Variants in HERC1 observed in about 807,000 individuals in gnomAD.
HERC1 encodes the protein probable E3 ubiquitin-protein ligase HERC1.
Under a neutral mutation model 554.3 loss-of-function variants are expected in HERC1, and 160 were observed. The observed-to-expected ratio is 0.29, with a 90% CI of 0.25 to 0.33. HERC1 has a LOEUF of 0.33. Ranked by LOEUF, HERC1 falls within the 10% of genes least tolerant of loss-of-function variation. The pLI is 1.00. For missense variants in HERC1, 4,919 were observed against 5,918.5 expected (o/e 0.83, Z 5.54); for synonymous variants, 2,175 against 2,131.7 (o/e 1.02, Z -0.56).
intron 38 of HERC1, among the ~76,000 whole-genome samples, chr15:63,673,972 A>G (rs7178288): frequency 0.81 from 123,866 of 152,148 alleles, 52,284 homozygotes; most frequent in Non-Finnish European, 0.88. Context: ...TGATCTGCCC[A>G]CCTCGGCCTC....
intron 25 of HERC1, among the ~76,000 whole-genome samples, chr15:63,705,600 G>A (rs1217524401): frequency 6.6e-6 from 1 of 151,834 alleles, no homozygotes; most frequent in African/African-American, 2.4e-5. Flanking sequence ...ATTAAGAGAA[G>A]GGTTTCATTC....
chr15:63,657,431 T>G (rs1280034229), intron 48 of HERC1, among the ~76,000 whole-genome samples: 1 of 152,284 alleles, frequency 6.6e-6, no homozygotes, highest in African/African-American at 2.4e-5. Context: ...ATTGGCCATT[T>G]GGAGATCCTC....
chr15:63,653,669 A>G (rs1566976131), intron 51 of HERC1, among the ~76,000 whole-genome samples: 1 of 152,224 alleles, frequency 6.6e-6, no homozygotes, highest in Non-Finnish European at 1.5e-5. Context: ...AATTTAAATC[A>G]TCTCATGATT....
At chr15:63,648,329 T>C (rs2069465828) in intron 54 of HERC1, 130 bp from the exon 55 acceptor site, 1 of 879,784 alleles carries the variant, frequency 1.1e-6, no homozygotes, top group South Asian at 1.8e-5. Context: ...AGCTCTTTAA[T>C]GCATTTAGAC....
Position 63,775,657 on chromosome 15 carries a change from G to A in HERC1, c.-26-8C>T, listed in dbSNP as rs200986714. On this transcript the variant is annotated splice_region_variant and splice_polypyrimidine_tract_variant and intron_variant, in intron 1 of 77. Coordinates refer to ENST00000443617, the MANE Select transcript of HERC1 (RefSeq NM_003922.4). This position sits in a 1 kb window ranked among gnomAD's most constrained non-coding sequence, Gnocchi z 4.0. Reference sequence around the variant, plus strand: ...ATCCTTCAGCCATTAGTCCTGCAAAGGGAGAAGAGAAAACAGTCAAAAACA... The same window carrying A: ...ATCCTTCAGCCATTAGTCCTGCAAAAGGAGAAGAGAAAACAGTCAAAAACA... The A allele has an allele frequency of 2.7e-5, 41 of 1,499,030 alleles. No homozygotes were observed. The East Asian group carries it at 8.8e-4, about 32-fold the overall frequency. The allele number at this position is 1,499,030 out of a possible 1,614,324, so 92.9% of individuals were successfully genotyped here.
Position 63,609,182 on chromosome 15 carries a change from G to A in HERC1, c.14485C>T (p.Arg4829Cys), listed in dbSNP as rs770912455. ...CAGTTGTTGATGGCATAGCGCAGGC[G>A]CTCGGCCATGACCAGCTGGCTGGAG... Reference protein sequence around the residue: ...PYSSQLVMAERLRYAINNCRS... With the variant: ...PYSSQLVMAECLRYAINNCRS... The change falls in exon 78 of 78, where the codon CGC (arginine) becomes TGC (cysteine). Residue 4829 changes from arginine (R) to cysteine (C), a missense_variant. Coordinates refer to ENST00000443617, the MANE Select transcript of HERC1 (RefSeq NM_003922.4). 3.7e-6 allele frequency: 6 copies of A among 1,613,568 alleles called. No homozygotes were observed. Among genetic ancestry groups the A allele is most frequent in the Non-Finnish European group, 5.1e-6 (6 of 1,179,782 alleles).
At chr15:63,733,497 T>G (rs1248593655) in intron 13 of HERC1, among the ~76,000 whole-genome samples, 2 of 152,170 alleles carry the variant, frequency 1.3e-5, no homozygotes, top group Non-Finnish European at 2.9e-5. Flanking sequence ...CAATGACAAT[T>G]ACTTATTCTA....
Position 63,749,880 on chromosome 15 carries a change from T to C in HERC1, c.1903-89A>G, listed in dbSNP as rs1374674405. 9.2e-7 allele frequency: 1 copy of C among 1,087,202 alleles called. No individual in the cohort carries two copies. Among genetic ancestry groups the C allele is most frequent in the Non-Finnish European group, 1.3e-6 (1 of 786,542 alleles). 67.3% of individuals were successfully genotyped at this position (1,087,202 alleles called of 1,614,324 possible). ...ATAAATGAAATCTATGAAACTAAAGTGTGGTTTGATAGTAAATAACTTTCT... is the reference window on the plus strand; with the variant it reads ...ATAAATGAAATCTATGAAACTAAAGCGTGGTTTGATAGTAAATAACTTTCT... On this transcript the variant is annotated intron_variant, in intron 8 of 77. Transcript: ENST00000443617. This position sits in a 1 kb window ranked among gnomAD's most constrained non-coding sequence, Gnocchi z 4.1.
At chr15:63,690,740 C>T (rs2072058197) in intron 31 of HERC1, 93 bp from the exon 32 acceptor site, 1 of 743,172 alleles carries the variant, frequency 1.3e-6, no homozygotes, top group African/African-American at 1.8e-5. Context: ...GGCTGCTAAA[C>T]ATTTATGGGT....
intron 12 of HERC1, among the ~76,000 whole-genome samples, chr15:63,741,317 G>A (rs1030958548): frequency 2.4e-4 from 35 of 148,684 alleles, no homozygotes; most frequent in African/African-American, 8.0e-4. Flanking sequence ...GTGAGCCACC[G>A]CGCCGGGCCC....
At chr15:63,615,140 A>T (rs1005242444) in intron 76 of HERC1, among the ~76,000 whole-genome samples, 5 of 152,232 alleles carry the variant, frequency 3.3e-5, no homozygotes, top group African/African-American at 1.2e-4. Flanking sequence ...GCTGGGAAGC[A>T]GTAAGACATG....
intron 1 of HERC1, among the ~76,000 whole-genome samples, chr15:63,785,880 T>C (rs2076424091): frequency 1.3e-5 from 2 of 152,164 alleles, no homozygotes; most frequent in South Asian, 4.1e-4. Context: ...TTCTTCTTTT[T>C]CTTTTTTAGA....
rs372746021 is a variant in HERC1 at position 63,626,072 on chromosome 15, C to T, written c.13188G>A (p.Thr4396=). ...YGALREVSIH[T]VRARLRLLYH... is the part of the protein sequence containing the mutation. ...AGAGCAGCCGGAGCCTGGCCCGCAC[C>T]GTGTGAATGCTGACTTCTCTCAGCG... is the stretch of plus-strand genomic sequence containing the variant. The change falls in exon 71 of 78, where the codon ACG becomes ACA. Residue 4396 remains threonine (T), a synonymous_variant. Transcript: ENST00000443617. The T allele has an allele frequency of 4.7e-5, 76 of 1,613,496 alleles. No homozygotes were observed. The African/African-American group carries it at 5.7e-4, about 12-fold the overall frequency.
chr15:63,715,856 GTA>G (rs1252764518), intron 22 of HERC1, among the ~76,000 whole-genome samples: 1 of 152,202 alleles, frequency 6.6e-6, no homozygotes, highest in Non-Finnish European at 1.5e-5. Context: ...AAACAGCAGT[GTA>G]GTCAGTGGGT....
intron 2 of HERC1, among the ~76,000 whole-genome samples, chr15:63,766,494 A>G (rs1223508285): frequency 1.3e-5 from 2 of 152,196 alleles, no homozygotes; most frequent in African/African-American, 4.8e-5. Flanking sequence ...AGGCTGAGGC[A>G]GGAAAATCGC....
In HERC1 at chr15:63,642,385, T is replaced by TG. The variant is rs2069112173; in HGVS notation, c.11433+571dup. ...TGGGCTCTCACTCTGTCACCCAGGTTGGAGTACAATGGCGCAGTCTCGGCT... is the reference window on the plus strand; with the variant it reads ...TGGGCTCTCACTCTGTCACCCAGGTTGGGAGTACAATGGCGCAGTCTCGGCT... On this transcript the variant is annotated intron_variant, in intron 59 of 77. Coordinates refer to ENST00000443617, the MANE Select transcript of HERC1 (RefSeq NM_003922.4). Among the ~76,000 whole-genome samples, 4 of 152,318 alleles carry TG rather than the reference T, an allele frequency of 2.6e-5. 1 individual carries two copies. In the South Asian group the frequency reaches 8.3e-4, roughly 32 times the overall value.
chr15:63,690,068 C>T (rs559430655), intron 32 of HERC1, among the ~76,000 whole-genome samples: 25 of 148,642 alleles, frequency 1.7e-4, no homozygotes, highest in Admixed American at 2.8e-4. Flanking sequence ...GAGGCTAAGG[C>T]AGGAGAATCA....
Position 63,692,608 on chromosome 15 carries a change from C to T in HERC1, c.5675-42G>A. On this transcript the variant is annotated intron_variant, in intron 30 of 77. Coordinates refer to ENST00000443617, the MANE Select transcript of HERC1 (RefSeq NM_003922.4). This position sits in a 1 kb window ranked among gnomAD's most constrained non-coding sequence, Gnocchi z 4.7. ...AGTTTACGTTACAACCAAGAGCCAA[C>T]AAGAAATAGTCTTATATCACATAAT... 4 of 1,520,406 alleles carry T rather than the reference C, an allele frequency of 2.6e-6. No homozygotes were observed. Among genetic ancestry groups the T allele is most frequent in the Non-Finnish European group, 3.5e-6 (4 of 1,130,194 alleles). 94.2% of individuals were successfully genotyped at this position (1,520,406 alleles called of 1,614,324 possible).
chr15:63,754,754 AT>A (rs1309814539), intron 6 of HERC1, 106 bp from the exon 7 acceptor site: 3 of 1,105,166 alleles, frequency 2.7e-6, no homozygotes, highest in Admixed American at 2.4e-5. Context: ...TAGAATTGAG[AT>A]TTTTTTAATG....
Sources: gnomAD v4.1 joint callset for allele counts (sites outside exome capture counted in the v4.1 genomes callset) on GRCh38, gnomAD v4.1.1 for gene constraint, Gnocchi (gnomAD v3.1) non-coding constraint, MANE v1.5 for transcripts, NCBI Gene and HGNC (gene_info 2026-07-23, HGNC 2026-07-21) for gene names.